The following C13orf46 variants were observed in gnomAD, a reference collection of about 807,000 sequenced individuals.
C13orf46 encodes the protein chromosome 13 open reading frame 46.
intron 1 of C13orf46, among the ~76,000 whole-genome samples, chr13:113,972,645 T>G (rs562363101): frequency 1.3e-5 from 2 of 152,188 alleles, no homozygotes; most frequent in East Asian, 3.9e-4. Flanking sequence ...CATCTCAGAG[T>G]GGCGAGTGTG....
downstream of C13orf46, among the ~76,000 whole-genome samples, chr13:113,951,120 G>A (rs1594239553): frequency 6.6e-6 from 1 of 152,198 alleles, no homozygotes. Context: ...GTGTGGGGAG[G>A]CCCAGCCTCT....
chr13:113,937,159 C>T, the C13orf46 span, among the ~76,000 whole-genome samples: 21 of 152,286 alleles, frequency 1.4e-4, no homozygotes, highest in Non-Finnish European at 1.9e-4. Flanking sequence ...TTGGTTACCT[C>T]GGGTCTCTTT....
At chr13:113,965,896 GTGATGA>G (rs1277993571) in intron 5 of C13orf46, among the ~76,000 whole-genome samples, 4 of 146,476 alleles carry the variant, frequency 2.7e-5, no homozygotes, top group African/African-American at 7.7e-5. Flanking sequence ...AATGGTGATG[GTGATGA>G]TGGCGATGGT....
chr13:113,935,669 C>A, the C13orf46 span, among the ~76,000 whole-genome samples: 2 of 152,242 alleles, frequency 1.3e-5, no homozygotes, highest in African/African-American at 4.8e-5. Context: ...TTACCCACGG[C>A]AACCATTGTT....
chr13:113,951,050 G>A (rs1351888998), downstream of C13orf46, among the ~76,000 whole-genome samples: 1 of 152,214 alleles, frequency 6.6e-6, no homozygotes, highest in East Asian at 1.9e-4. Flanking sequence ...ACAGCACAGG[G>A]TTTCCCATGG....
At chr13:113,935,847 G>A in the C13orf46 span, among the ~76,000 whole-genome samples, 5 of 152,238 alleles carry the variant, frequency 3.3e-5, no homozygotes, top group African/African-American at 7.2e-5. Flanking sequence ...GTGCCCCCAG[G>A]GGCCATGCTT....
At chr13:113,937,965 A>G in the C13orf46 span, among the ~76,000 whole-genome samples, 2 of 151,968 alleles carry the variant, frequency 1.3e-5, no homozygotes, top group Non-Finnish European at 2.9e-5. Flanking sequence ...TTGTGGGCAA[A>G]TCGTGAGGCA....
At chr13:113,964,367 C>T (rs980916677) in intron 6 of C13orf46, among the ~76,000 whole-genome samples, 77 of 152,174 alleles carry the variant, frequency 5.1e-4, no homozygotes, top group African/African-American at 1.4e-3. Flanking sequence ...CCTCGGGCCT[C>T]GGGGAGTCTT....
At chr13:113,937,929 C>T in the C13orf46 span, among the ~76,000 whole-genome samples, 1 of 152,166 alleles carries the variant, frequency 6.6e-6, no homozygotes, top group African/African-American at 2.4e-5. Flanking sequence ...TGAGTTCTGT[C>T]TGTGCTTTGT....
the C13orf46 span, among the ~76,000 whole-genome samples, chr13:113,946,659 G>A: frequency 5.3e-5 from 8 of 152,356 alleles, no homozygotes; most frequent in South Asian, 2.1e-4. Context: ...CGCAGAGGAC[G>A]GAGAGCCTGT....
downstream of C13orf46, among the ~76,000 whole-genome samples, chr13:113,950,822 C>T (rs929481989): frequency 0.012 from 1,841 of 152,316 alleles, 38 homozygotes; most frequent in African/African-American, 0.042. Flanking sequence ...GGGAGTCCTG[C>T]CGTCTCTGGT....
chr13:113,957,923 C>G (rs1463251361), intron 6 of C13orf46, among the ~76,000 whole-genome samples: 8 of 148,056 alleles, frequency 5.4e-5, no homozygotes, highest in Admixed American at 2.0e-4. Context: ...GGGGTCTCCC[C>G]TGCACTCTGT....
At chr13:113,941,713 C>T in the C13orf46 span, among the ~76,000 whole-genome samples, 1 of 152,218 alleles carries the variant, frequency 6.6e-6, no homozygotes, top group Non-Finnish European at 1.5e-5. Flanking sequence ...CAGCACAGCA[C>T]GCCAGGCACC....
chr13:113,940,221 G>A, the C13orf46 span, among the ~76,000 whole-genome samples: 29 of 152,346 alleles, frequency 1.9e-4, no homozygotes, highest in Admixed American at 3.9e-4. Context: ...GGCCTGGGCC[G>A]TTTCCCCGGA....
chr13:113,948,016 G>A, the C13orf46 span, among the ~76,000 whole-genome samples: 16 of 152,244 alleles, frequency 1.1e-4, no homozygotes, highest in Admixed American at 1.3e-4. Context: ...GCCATGGAGC[G>A]GGGCTCAGGC....
chr13:113,936,330 G>A, the C13orf46 span, among the ~76,000 whole-genome samples: 119 of 152,350 alleles, frequency 7.8e-4, no homozygotes, highest in African/African-American at 2.6e-3. Flanking sequence ...CCCAGAGTGA[G>A]GATGCGGTAT....
chr13:113,964,083 T>A (rs1439331529), intron 6 of C13orf46, among the ~76,000 whole-genome samples: 2 of 152,202 alleles, frequency 1.3e-5, no homozygotes, highest in Admixed American at 6.5e-5. Context: ...TCTCCTGACC[T>A]CATGATCTGC....
At chr13:113,943,563 T>C in the C13orf46 span, among the ~76,000 whole-genome samples, 1 of 152,178 alleles carries the variant, frequency 6.6e-6, no homozygotes, top group Admixed American at 6.5e-5. Context: ...CTCATCAGAC[T>C]TCAGGTCTGT....
intron 6 of C13orf46, among the ~76,000 whole-genome samples, chr13:113,957,473 A>G (rs1367373447): frequency 3.7e-4 from 36 of 97,934 alleles, no homozygotes; most frequent in East Asian, 6.9e-4. Flanking sequence ...TTCATCAAGC[A>G]CACTGGGGGT....
Sources: gnomAD v4.1 joint callset for allele counts (sites outside exome capture counted in the v4.1 genomes callset) on GRCh38, gnomAD v4.1.1 for gene constraint, MANE v1.5 for transcripts, NCBI Gene and HGNC (gene_info 2026-07-23, HGNC 2026-07-21) for gene names.